CDC14B: variants seen among roughly 807,000 people sequenced by gnomAD.
CDC14B encodes dual specificity protein phosphatase CDC14B.
A neutral mutation model predicts 64.2 loss-of-function variants in CDC14B; 22 were observed. The ratio of observed to expected loss-of-function variants is 0.34; its 90% CI spans 0.24 to 0.49. The LOEUF is 0.49. Among genes scored for constraint, CDC14B ranks in the 20% least tolerant of loss-of-function variants. CDC14B has a pLI of 0.99. For missense variants in CDC14B, 498 were observed against 629.9 expected (o/e 0.79, Z 2.24); for synonymous variants, 191 against 215.8 (o/e 0.89, Z 1.01).
At chr9:96,531,700 G>T (rs57519517) in intron 9 of CDC14B, among the ~76,000 whole-genome samples, 17,437 of 151,776 alleles carry the variant, frequency 0.11, 3,306 homozygotes, top group African/African-American at 0.4. Context: ...ACTTGCAAAC[G>T]ACAAATTATT....
rs549187698 is a variant in CDC14B, at chr9:96,573,954, T to C, written c.161-8471A>G. Among the ~76,000 whole-genome samples the C allele has an allele frequency of 3.5e-3, 539 of 152,314 alleles. 5 individuals are homozygous for C. Among genetic ancestry groups the C allele is most frequent in the African/African-American group, 0.013 (524 of 41,584 alleles). Reference sequence around the variant, plus strand: ...CGAGGTCAGGAGATGGAGACCATCCTGGCTAACGTGGTGAAACCCTGTCTC... The same window carrying C: ...CGAGGTCAGGAGATGGAGACCATCCCGGCTAACGTGGTGAAACCCTGTCTC... On this transcript the variant is annotated intron_variant, in intron 1 of 13. Coordinates refer to ENST00000375241, the MANE Select transcript of CDC14B (RefSeq NM_033331.4).
At chr9:96,497,149 CAG>C (rs1331653894), downstream of CDC14B, among the ~76,000 whole-genome samples, 1 of 152,258 alleles carries the variant, frequency 6.6e-6, no homozygotes, top group African/African-American at 2.4e-5. Flanking sequence ...CCTTTAGAAA[CAG>C]ACTTGGCCCA....
At chr9:96,547,059 C>T (rs1841022283) in intron 5 of CDC14B, among the ~76,000 whole-genome samples, 2 of 150,908 alleles carry the variant, frequency 1.3e-5, no homozygotes, top group Admixed American at 1.3e-4. Context: ...AAGACTCCGA[C>T]TCAAAAAAAA....
intron 5 of CDC14B, among the ~76,000 whole-genome samples, chr9:96,551,588 G>A (rs1000875984): frequency 2.6e-5 from 4 of 152,074 alleles, no homozygotes; most frequent in South Asian, 2.1e-4. Context: ...CAGAAGCCAC[G>A]GAGGCCACTA....
chr9:96,566,219 T>C (rs1457384887), intron 1 of CDC14B, among the ~76,000 whole-genome samples: 1 of 152,148 alleles, frequency 6.6e-6, no homozygotes, highest in Non-Finnish European at 1.5e-5. Context: ...TGAAATAAAG[T>C]CATCCACAAT....
At chr9:96,604,718 G>C (rs1846765139) in intron 1 of CDC14B, among the ~76,000 whole-genome samples, 1 of 151,140 alleles carries the variant, frequency 6.6e-6, no homozygotes, top group South Asian at 2.1e-4. Flanking sequence ...CCCCAGGCTG[G>C]AGTGTAGTGG....
At chr9:96,587,700 T>C (rs992984297) in intron 1 of CDC14B, among the ~76,000 whole-genome samples, 1 of 152,212 alleles carries the variant, frequency 6.6e-6, no homozygotes, top group Non-Finnish European at 1.5e-5. Context: ...GCACCCTTAT[T>C]TTACGAATGG....
chr9:96,498,706 G>A (rs543021091), downstream of CDC14B, among the ~76,000 whole-genome samples: 5 of 152,286 alleles, frequency 3.3e-5, no homozygotes, highest in African/African-American at 7.2e-5. Context: ...ACAAAGTAGC[G>A]AATTGAAAGA....
chr9:96,509,588 T>A (rs771698304), intron 13 of CDC14B, 85 bp downstream of exon 13: 1 of 802,532 alleles, frequency 1.2e-6, no homozygotes, highest in Non-Finnish European at 2.2e-6. Context: ...CCTAATTTCA[T>A]GTCAGTCTCC....
chr9:96,615,954 A>C (rs1380807926), intron 1 of CDC14B, among the ~76,000 whole-genome samples: 2 of 152,230 alleles, frequency 1.3e-5, no homozygotes. Flanking sequence ...TGCAATAGGG[A>C]CTGGAAAACC....
chr9:96,589,886 G>A (rs920073149), intron 1 of CDC14B, among the ~76,000 whole-genome samples: 4 of 151,832 alleles, frequency 2.6e-5, no homozygotes, highest in South Asian at 2.1e-4. Context: ...GCGTGAACCC[G>A]GGAGGCAGAG....
intron 2 of CDC14B, among the ~76,000 whole-genome samples, 192 bp downstream of exon 2, chr9:96,565,201 C>T (rs1164214185): frequency 6.7e-6 from 1 of 150,352 alleles, no homozygotes. Context: ...ACTAGCAAAT[C>T]TAAATGTTTA....
intron 1 of CDC14B, among the ~76,000 whole-genome samples, chr9:96,587,723 C>T (rs1845537870): frequency 6.6e-6 from 1 of 152,066 alleles, no homozygotes; most frequent in Non-Finnish European, 1.5e-5. Context: ...GAGGCGGCAC[C>T]AAGGAAGAGT....
chr9:96,559,890 C>A (rs957428070), intron 4 of CDC14B, among the ~76,000 whole-genome samples: 2 of 152,122 alleles, frequency 1.3e-5, no homozygotes, highest in Non-Finnish European at 2.9e-5. Flanking sequence ...AAATAAGCTT[C>A]TGTGGTCCAA....
At chr9:96,565,243 AAGGTTTATTTTATTACTAC>A (rs1230708593) in intron 2 of CDC14B, 131 bp downstream of exon 2, 1 of 564,604 alleles carries the variant, frequency 1.8e-6, no homozygotes, top group East Asian at 3.0e-5. Flanking sequence ...TTTTGCTCTA[AAGGTTTATTTTATTACTAC>A]AGGTGAAAAA....
intron 1 of CDC14B, among the ~76,000 whole-genome samples, chr9:96,600,273 T>C (rs932310641): frequency 3.3e-5 from 5 of 150,918 alleles, no homozygotes; most frequent in Non-Finnish European, 7.4e-5. Context: ...GCAAATACAT[T>C]TTTTAAAAAA....
intron 1 of CDC14B, among the ~76,000 whole-genome samples, chr9:96,582,333 T>C (rs1845206407): frequency 6.6e-6 from 1 of 152,246 alleles, no homozygotes; most frequent in African/African-American, 2.4e-5. Flanking sequence ...AGCCTAAATA[T>C]TTGCCCTGGC....
At chr9:96,617,283 G>C (rs1360991804) in intron 1 of CDC14B, among the ~76,000 whole-genome samples, 1 of 151,742 alleles carries the variant, frequency 6.6e-6, no homozygotes, top group African/African-American at 2.4e-5. Flanking sequence ...ATTAATTGGT[G>C]ACTGCCTCAC....
chr9:96,564,969 G>C (rs1311313896), intron 2 of CDC14B, 117 bp from the exon 3 acceptor site: 1 of 621,244 alleles, frequency 1.6e-6, no homozygotes, highest in African/African-American at 1.9e-5. Context: ...ATTGTTATGG[G>C]CCAATACAAC....
Sources: allele counts gnomAD v4.1 joint callset (sites outside exome capture counted in the v4.1 genomes callset), GRCh38; gene constraint gnomAD v4.1.1; transcripts MANE v1.5; gene names NCBI Gene and HGNC (gene_info 2026-07-23, HGNC 2026-07-21).